GBP7: variants seen among roughly 807,000 people sequenced by gnomAD.
GBP7 encodes guanylate binding protein 7.
In GBP7, 43 loss-of-function variants were observed where a neutral mutation model predicts 61.3. The observed-to-expected ratio is 0.70, with a 90% confidence interval of 0.55 to 0.91. The LOEUF (loss-of-function observed/expected upper bound fraction) is 0.91, where lower values mean the gene tolerates loss of function less well. Among genes scored for constraint, GBP7 ranks in the 40% least tolerant of loss-of-function variants. The pLI is 0.00. For missense variants in GBP7, 717 were observed against 740.5 expected (o/e 0.97, Z 0.37); for synonymous variants, 267 against 271.0 (o/e 0.99, Z 0.14).
At chr1:89,164,670 T>C (rs1204478319) in intron 3 of GBP7, 61 bp downstream of exon 3, 7 of 1,515,668 alleles carry the variant, frequency 4.6e-6, no homozygotes, top group African/African-American at 2.7e-5. Flanking sequence ...ATTGATACTA[T>C]GCATAAAAAC....
chr1:89,141,009 G>T (rs1292897361), intron 9 of GBP7, among the ~76,000 whole-genome samples: 2 of 152,036 alleles, frequency 1.3e-5, no homozygotes, highest in East Asian at 1.9e-4. Flanking sequence ...AGTACACATG[G>T]ACACAAAGGG....
chr1:89,144,430 C>A (rs1682020172), intron 8 of GBP7, among the ~76,000 whole-genome samples: 1 of 152,074 alleles, frequency 6.6e-6, no homozygotes, highest in African/African-American at 2.4e-5. Flanking sequence ...AATAATAATT[C>A]TATTTTTAGT....
intron 3 of GBP7, among the ~76,000 whole-genome samples, chr1:89,160,218 G>A (rs968757376): frequency 1.3e-5 from 2 of 152,166 alleles, no homozygotes; most frequent in African/African-American, 2.4e-5. Flanking sequence ...CTGTGGGGTG[G>A]AGGGAGTGTG....
In GBP7 at chr1:89,149,323, T is replaced by C. The variant is rs200457249; in HGVS notation, c.1121A>G (p.Asp374Gly). ...IAVFMEYSFK[D>G]KSQEFQKKLV... Reference sequence around the variant, plus strand: ...CTTCTTCTGAAATTCCTGGCTTTTATCTTTGAAGGAGTACTCCATGAAGAC... The same window carrying C: ...CTTCTTCTGAAATTCCTGGCTTTTACCTTTGAAGGAGTACTCCATGAAGAC... The change falls in exon 7 of 11, where the codon GAT becomes GGT. Residue 374 changes from aspartate to glycine, a missense_variant. This residue lies in a region of GBP7 where 312 missense variants were observed against 310.1 expected (regional missense o/e 1.01). Coordinates refer to ENST00000294671, the MANE Select transcript of GBP7 (RefSeq NM_207398.3). The C allele has an allele frequency of 1.9e-6, 3 of 1,607,896 alleles. No individual in the cohort carries two copies. The highest frequency in any genetic ancestry group is 3.4e-5 in the Admixed American group (2 of 59,594).
chr1:89,147,904 A>G, intron 7 of GBP7, 125 bp from the exon 8 acceptor site: 3 of 913,646 alleles, frequency 3.3e-6, no homozygotes, highest in Non-Finnish European at 5.1e-6. Flanking sequence ...GTAGACTAAG[A>G]GTCAGAAGAC....
intron 2 of GBP7, among the ~76,000 whole-genome samples, chr1:89,169,942 C>T (rs1481139183): frequency 3.9e-5 from 6 of 152,230 alleles, no homozygotes; most frequent in African/African-American, 1.4e-4. Flanking sequence ...TAATCAGCAG[C>T]TTCTGTGCGT....
At chr1:89,142,168 T>A (rs907873607) in intron 8 of GBP7, among the ~76,000 whole-genome samples, 2 of 152,216 alleles carry the variant, frequency 1.3e-5, no homozygotes, top group Admixed American at 6.5e-5. Context: ...AAATTTAATT[T>A]AAAAAGTTAA....
Position 89,132,236 on chromosome 1 carries a change from C to T in GBP7, c.1830G>A (p.Gly610=). ...TTCCTAAATCAACTAGCTTAGCAGC[C>T]CCAGGTAGTGCTGCAATAAATATAC... The part of the protein sequence containing the change: ...AGSIFIAALP[G]AAKLVDLGMK... Residue 610 remains glycine (G), a synonymous_variant, in exon 11 of 11, where the codon GGG becomes GGA. Coordinates refer to ENST00000294671, the MANE Select transcript of GBP7 (RefSeq NM_207398.3). 6.2e-7 allele frequency: 1 copy of T among 1,612,976 alleles called. No individual in the cohort carries two copies. The highest frequency in any genetic ancestry group is 8.5e-7 in the Non-Finnish European group (1 of 1,179,034).
Position 89,133,303 on chromosome 1 carries a change from T to G in GBP7, c.1617A>C (p.Glu539Asp). Reference protein sequence around the residue: ...QLKKKMERERENYMRELRKML... With the variant: ...QLKKKMERERDNYMRELRKML... ...TCTTTCTCAGTTCTCTCATATAGTT[T>G]TCCCTTTCCCTCTCCATCTTCTTCT... The change falls in exon 10 of 11, where the codon GAA becomes GAC. Residue 539 changes from glutamate (E) to aspartate (D), a missense_variant. This residue lies in a region of GBP7 where 312 missense variants were observed against 310.1 expected (regional missense o/e 1.01). Coordinates refer to ENST00000294671, the MANE Select transcript of GBP7 (RefSeq NM_207398.3). 1 of 1,614,140 alleles carries G rather than the reference T, an allele frequency of 6.2e-7. No homozygotes were observed. Among genetic ancestry groups the G allele is most frequent in the East Asian group, 2.2e-5 (1 of 44,872 alleles).
In GBP7 at chr1:89,152,647, C is replaced by G. The variant is rs1210751628; in HGVS notation, c.428+21G>C. 3 of 1,606,044 alleles carry G rather than the reference C, an allele frequency of 1.9e-6. 1 individual carries two copies. Among genetic ancestry groups the G allele is most frequent in the Non-Finnish European group, 2.6e-6 (3 of 1,176,312 alleles). ...CCCCTAAACTCCATAAAACCTGGCTCTTCACTTCCTGGAAGGATACTGCAG... is the reference window on the plus strand; with the variant it reads ...CCCCTAAACTCCATAAAACCTGGCTGTTCACTTCCTGGAAGGATACTGCAG... On this transcript the variant is annotated intron_variant, in intron 4 of 10. Coordinates refer to ENST00000294671, the MANE Select transcript of GBP7 (RefSeq NM_207398.3).
At chr1:89,143,495 G>A (rs1392397638) in intron 8 of GBP7, among the ~76,000 whole-genome samples, 1 of 152,146 alleles carries the variant, frequency 6.6e-6, no homozygotes, top group Non-Finnish European at 1.5e-5. Context: ...AATGATTTAG[G>A]TATAGAGTTA....
chr1:89,175,980 C>G lies in GBP7; in HGVS notation c.-79G>C, dbSNP rs887868294. 3 of 152,188 alleles carry G rather than the reference C, an allele frequency of 2.0e-5. No homozygotes were observed. Among genetic ancestry groups the G allele is most frequent in the African/African-American group, 7.2e-5 (3 of 41,434 alleles). 9.4% of individuals were successfully genotyped at this position (152,188 alleles called of 1,614,324 possible). On this transcript the variant is annotated 5_prime_UTR_variant, in exon 1 of 11. Coordinates refer to ENST00000294671, the MANE Select transcript of GBP7 (RefSeq NM_207398.3). ...CAGCTTCAATGAGAAAGTTATGAGT[C>G]TTTATTCTCTTCTCTTTAGTTCTGA...
At chr1:89,158,850 GA>G (rs990595983) in intron 3 of GBP7, among the ~76,000 whole-genome samples, 3 of 151,440 alleles carry the variant, frequency 2.0e-5, no homozygotes, top group Non-Finnish European at 4.4e-5. Flanking sequence ...CACAGAATTG[GA>G]AAAAAAACTA....
rs1682104820 is a variant in GBP7 at position 89,147,864 on chromosome 1, T to A, written c.1153-85A>T. The A allele has an allele frequency of 5.0e-6, 7 of 1,389,128 alleles. No individual in the cohort carries two copies. The South Asian group carries it at 8.2e-5, about 16-fold the overall frequency. 86.1% of individuals were successfully genotyped at this position (1,389,128 alleles called of 1,614,324 possible). A position where few individuals can be genotyped will look rare whatever the true frequency, so the allele number is the denominator to read the frequency against. On this transcript the variant is annotated intron_variant, in intron 7 of 10. Transcript: ENST00000294671. ...TGTGATCCTCTTGGAAGAAGTAGTC[T>A]CATGGCCTCAGAGCAGGCTGAGTTA...
intron 9 of GBP7, among the ~76,000 whole-genome samples, chr1:89,139,385 GC>G (rs1681882054): frequency 6.6e-6 from 1 of 152,202 alleles, no homozygotes; most frequent in African/African-American, 2.4e-5. Context: ...ATAGGCATGG[GC>G]AAGGACTTCA....
At chr1:89,164,966 G>T in intron 2 of GBP7, 108 bp from the exon 3 acceptor site, 1 of 1,101,402 alleles carries the variant, frequency 9.1e-7, no homozygotes, top group Non-Finnish European at 1.3e-6. Context: ...GGGGAAACGG[G>T]TTGCTTCCAT....
intron 3 of GBP7, among the ~76,000 whole-genome samples, chr1:89,163,600 A>G (rs953501847): frequency 1.3e-5 from 2 of 149,364 alleles, no homozygotes; most frequent in East Asian, 3.9e-4. Flanking sequence ...AGTGGTAACC[A>G]TCCCCCTGTC....
chr1:89,133,764 C>A (rs1374808563), intron 9 of GBP7, among the ~76,000 whole-genome samples: 11 of 152,128 alleles, frequency 7.2e-5, no homozygotes, highest in Non-Finnish European at 1.5e-5. Context: ...CCCACTCTTG[C>A]CATGGACCTC....
At chr1:89,137,669 C>T (rs2100636660) in intron 9 of GBP7, among the ~76,000 whole-genome samples, 1 of 152,138 alleles carries the variant, frequency 6.6e-6, no homozygotes, top group East Asian at 1.9e-4. Flanking sequence ...TAAAAGCCAT[C>T]TATGAAAAAC....
Sources: gnomAD v4.1 joint callset for allele counts (sites outside exome capture counted in the v4.1 genomes callset) on GRCh38, gnomAD v4.1.1 for gene constraint, gnomAD v4.1.1 regional missense constraint, MANE v1.5 for transcripts, NCBI Gene and HGNC (gene_info 2026-07-23, HGNC 2026-07-21) for gene names.